Variants in PRELID2 observed in about 807,000 individuals in gnomAD.
PRELID2 encodes PRELI domain-containing protein 2.
Under a neutral mutation model 28.4 loss-of-function variants are expected in PRELID2, and 25 were observed. The observed-to-expected ratio is 0.88, with a 90% confidence interval of 0.64 to 1.23. The LOEUF is 1.23. Ranked by LOEUF, PRELID2 falls within the 50% of genes most tolerant of loss-of-function variation. The probability of loss-of-function intolerance (pLI) is 0.00; values close to 1 mark genes in which losing one functional copy is unlikely to be tolerated. For synonymous variants in PRELID2, 76 were observed against 71.6 expected (o/e 1.06, Z -0.31); for missense variants, 201 against 214.4 (o/e 0.94, Z 0.39).
At chr5:145,654,982 C>A (rs546452701) in intron 1 of PRELID2, among the ~76,000 whole-genome samples, 1 of 150,896 alleles carries the variant, frequency 6.6e-6, no homozygotes, top group Admixed American at 6.6e-5. Flanking sequence ...GATGACATGA[C>A]TGTATATGTA....
the PRELID2 span, among the ~76,000 whole-genome samples, chr5:145,345,903 G>T: frequency 1.2e-4 from 18 of 152,124 alleles, no homozygotes; most frequent in African/African-American, 4.3e-4. Flanking sequence ...ACACTGTGGG[G>T]GGAGGCATTT....
chr5:145,378,837 A>T, the PRELID2 span, among the ~76,000 whole-genome samples: 1 of 152,152 alleles, frequency 6.6e-6, no homozygotes, highest in Non-Finnish European at 1.5e-5. Flanking sequence ...GAGGTGATGC[A>T]GTTATTTGAA....
chr5:145,380,836 A>T, the PRELID2 span, among the ~76,000 whole-genome samples: 3 of 152,308 alleles, frequency 2.0e-5, no homozygotes, highest in East Asian at 5.8e-4. Flanking sequence ...AAATATTGTC[A>T]TCCATAACAA....
downstream of PRELID2, among the ~76,000 whole-genome samples, chr5:145,467,310 C>T (rs1240139795): frequency 6.6e-6 from 1 of 152,108 alleles, no homozygotes; most frequent in African/African-American, 2.4e-5. Context: ...GCTCTGGCAC[C>T]TGATACACCA....
At chr5:145,608,896 C>T (rs1001430008) in intron 1 of PRELID2, among the ~76,000 whole-genome samples, 7 of 152,158 alleles carry the variant, frequency 4.6e-5, no homozygotes, top group Non-Finnish European at 1.0e-4. Flanking sequence ...CAGATTTGGT[C>T]TATTTACATA....
At chr5:145,768,538 T>C (rs1018401239) in intron 5 of PRELID2, among the ~76,000 whole-genome samples, 24 of 152,174 alleles carry the variant, frequency 1.6e-4, no homozygotes, top group Non-Finnish European at 1.3e-4. Context: ...TAATTAAATG[T>C]CTTCTTTCTA....
chr5:145,416,289 C>T, the PRELID2 span, among the ~76,000 whole-genome samples: 2 of 151,718 alleles, frequency 1.3e-5, no homozygotes, highest in Non-Finnish European at 2.9e-5. Context: ...AAGACTTAAA[C>T]GTTAGACCTA....
the PRELID2 span, among the ~76,000 whole-genome samples, chr5:145,230,586 T>TAA: frequency 6.7e-6 from 1 of 149,290 alleles, no homozygotes; most frequent in Admixed American, 6.7e-5. Context: ...CTCAAAAAAA[T>TAA]AAAAAAAAGA....
the PRELID2 span, among the ~76,000 whole-genome samples, chr5:145,421,931 T>C: frequency 6.6e-6 from 1 of 151,980 alleles, no homozygotes; most frequent in African/African-American, 2.4e-5. Flanking sequence ...TGGTATGTTG[T>C]GTCTTTGTTC....
intron 1 of PRELID2, among the ~76,000 whole-genome samples, chr5:145,519,238 A>C (rs972979598): frequency 6.6e-6 from 1 of 152,178 alleles, no homozygotes; most frequent in African/African-American, 2.4e-5. Context: ...TGTCCTTATA[A>C]ATAAATTCAA....
At chr5:145,392,528 C>T in the PRELID2 span, among the ~76,000 whole-genome samples, 6 of 152,136 alleles carry the variant, frequency 3.9e-5, no homozygotes, top group South Asian at 4.2e-4. Flanking sequence ...ACACAGAGAG[C>T]GTATGTAGTA....
At chr5:145,289,318 C>T in the PRELID2 span, among the ~76,000 whole-genome samples, 1 of 152,066 alleles carries the variant, frequency 6.6e-6, no homozygotes, top group South Asian at 2.1e-4. Context: ...ATAGCTTTTC[C>T]TTTTCCAGAA....
At chr5:145,369,481 A>G in the PRELID2 span, among the ~76,000 whole-genome samples, 4 of 152,060 alleles carry the variant, frequency 2.6e-5, no homozygotes, top group Admixed American at 2.6e-4. Flanking sequence ...GAAGTATTCC[A>G]TGGTGTATAT....
chr5:145,252,127 G>C, the PRELID2 span, among the ~76,000 whole-genome samples: 1 of 152,100 alleles, frequency 6.6e-6, no homozygotes, highest in Non-Finnish European at 1.5e-5. Context: ...CATCACCTGG[G>C]AGCTTGTTAC....
the PRELID2 span, among the ~76,000 whole-genome samples, chr5:145,460,177 T>A: frequency 6.6e-6 from 1 of 152,204 alleles, no homozygotes; most frequent in African/African-American, 2.4e-5. Context: ...GTGAGACTGC[T>A]ACAACCCAAC....
At chr5:145,690,505 G>C (rs1254976045) in intron 1 of PRELID2, among the ~76,000 whole-genome samples, 1 of 152,142 alleles carries the variant, frequency 6.6e-6, no homozygotes, top group African/African-American at 2.4e-5. Context: ...AAGAGTAGGG[G>C]AACTCCTGCA....
the PRELID2 span, among the ~76,000 whole-genome samples, chr5:145,308,602 T>G: frequency 4.8e-4 from 73 of 152,124 alleles, 1 homozygote; most frequent in Non-Finnish European, 1.0e-4. Flanking sequence ...CAGATATTTT[T>G]AATTTAGAGG....
At chr5:145,621,609 T>C (rs990800425) in intron 1 of PRELID2, among the ~76,000 whole-genome samples, 3 of 152,138 alleles carry the variant, frequency 2.0e-5, no homozygotes, top group Non-Finnish European at 4.4e-5. Context: ...CTCACTGATA[T>C]ATGGGAGGCA....
At chr5:145,621,605 G>A (rs1428947171) in intron 1 of PRELID2, among the ~76,000 whole-genome samples, 1 of 152,166 alleles carries the variant, frequency 6.6e-6, no homozygotes, top group Non-Finnish European at 1.5e-5. Context: ...TGTTCTCACT[G>A]ATATATGGGA....
Sources: gnomAD v4.1 joint callset for allele counts (sites outside exome capture counted in the v4.1 genomes callset) on GRCh38, gnomAD v4.1.1 for gene constraint, MANE v1.5 for transcripts, NCBI Gene and HGNC (gene_info 2026-07-23, HGNC 2026-07-21) for gene names.